The following PANK3 variants were observed in gnomAD, a reference collection of about 807,000 sequenced individuals.
PANK3 encodes the protein hPanK3.
In PANK3, 20 loss-of-function variants were observed where a neutral mutation model predicts 39.4. That is an observed-to-expected ratio of 0.51 (90% confidence interval 0.36 to 0.74). PANK3 has a LOEUF of 0.74. PANK3 is among the 30% of genes least tolerant of loss of function. The pLI is 0.00. For missense variants in PANK3, 265 were observed against 437.0 expected (o/e 0.61, Z 3.51); for synonymous variants, 140 against 157.3 (o/e 0.89, Z 0.82).
intron 1 of PANK3, among the ~76,000 whole-genome samples, chr5:168,575,146 T>G (rs1183985618): frequency 6.6e-6 from 1 of 152,154 alleles, no homozygotes; most frequent in Non-Finnish European, 1.5e-5. Context: ...ACTGTGAGAA[T>G]TATTAGAATC....
At chr5:168,565,924 A>G (rs770721297) in intron 3 of PANK3, 89 bp downstream of exon 3, 8 of 1,052,026 alleles carry the variant, frequency 7.6e-6, no homozygotes, top group Non-Finnish European at 9.1e-6. Flanking sequence ...ATGCTCTTTT[A>G]CTGGTGAAAA....
At chr5:168,560,127 A>C (rs959137048) in intron 5 of PANK3, among the ~76,000 whole-genome samples, 6 of 152,216 alleles carry the variant, frequency 3.9e-5, no homozygotes. Context: ...AAATTTAGAC[A>C]TAAAGGGCTA....
chr5:168,561,180 C>A lies in PANK3; in HGVS notation c.936+213G>T, dbSNP rs78909266. On this transcript the variant is annotated intron_variant, in intron 5 of 6. Transcript: ENST00000239231. ...CTGAAAAAAAATTCTGAATAAATTT[C>A]TCCTATTTCAATTTGAATTATCTGC... Among the ~76,000 whole-genome samples, 1,438 of 152,156 alleles carry A rather than the reference C, an allele frequency of 9.5e-3. 81 individuals carry two copies. In the East Asian group the frequency reaches 0.14, roughly 15 times the overall value.
intron 6 of PANK3, among the ~76,000 whole-genome samples, chr5:168,558,532 T>G (rs1007215171): frequency 6.6e-6 from 1 of 152,194 alleles, no homozygotes; most frequent in African/African-American, 2.4e-5. Context: ...ATACAGCCAT[T>G]TGACTTTGAT....
Position 168,563,949 on chromosome 5 carries a change from C to T in PANK3, c.752G>A (p.Arg251His), listed in dbSNP as rs1038906666. 6.2e-7 allele frequency: 1 copy of T among 1,612,678 alleles called. No homozygotes were observed. Among genetic ancestry groups the T allele is most frequent in the Non-Finnish European group, 8.5e-7 (1 of 1,179,354 alleles). Residue 251 changes from arginine (R) to histidine (H), a missense_variant, in exon 4 of 7, where the codon CGT (arginine) becomes CAT (histidine). This residue lies in a region of PANK3 where 110 missense variants were observed against 161.2 expected (regional missense o/e 0.68). Transcript: ENST00000239231. The stretch of plus-strand genomic sequence containing the variant: ...TTCATAATCTCCTCCATAAATATCA[C>T]GGACCAGCTTGTCAGCTTGTGTGCT... Reference protein sequence around the residue: ...GDSTQADKLVRDIYGGDYERF... With the variant: ...GDSTQADKLVHDIYGGDYERF...
Position 168,566,285 on chromosome 5 carries a change from A to T in PANK3, c.382-19T>A, listed in dbSNP as rs576621252. On this transcript the variant is annotated intron_variant, in intron 2 of 6. Coordinates refer to ENST00000239231, the MANE Select transcript of PANK3 (RefSeq NM_024594.4). Reference sequence around the variant, plus strand: ...TTCCAATCTGTTAAAACAAACAAACAAAAACAAAAAAGGATGACATTCAAA... The same window carrying T: ...TTCCAATCTGTTAAAACAAACAAACTAAAACAAAAAAGGATGACATTCAAA... 1 of 1,560,260 alleles carries T rather than the reference A, an allele frequency of 6.4e-7. No homozygotes were observed. The highest frequency in any genetic ancestry group is 1.7e-4 in the Middle Eastern group (1 of 5,832).
intron 1 of PANK3, among the ~76,000 whole-genome samples, chr5:168,570,295 G>T (rs902069003): frequency 1.3e-5 from 2 of 151,444 alleles, no homozygotes; most frequent in African/African-American, 4.9e-5. Context: ...TGAGGCAGGA[G>T]AATGGCGTGA....
At chr5:168,561,274 T>TG (rs1759443045) in intron 5 of PANK3, 119 bp downstream of exon 5, 1 of 801,564 alleles carries the variant, frequency 1.2e-6, no homozygotes, top group Non-Finnish European at 1.9e-6. Flanking sequence ...TGGCATTTAA[T>TG]GGGTTACATC....
rs1411461125 is a variant in PANK3 at position 168,553,055 on chromosome 5, C to A, written c.*4516G>T. ...GAGTCCCCTACAATTGCTGAAGGAT[C>A]TCATTAGTACTCTTCCTTTCTGTTA... On this transcript the variant is annotated 3_prime_UTR_variant, in exon 7 of 7. Coordinates refer to ENST00000239231, the MANE Select transcript of PANK3 (RefSeq NM_024594.4). 2 of 347,128 alleles carry A rather than the reference C, an allele frequency of 5.8e-6. No individual in the cohort carries two copies. The highest frequency in any genetic ancestry group is 1.1e-5 in the Non-Finnish European group (2 of 174,878). 21.5% of individuals were successfully genotyped at this position (347,128 alleles called of 1,614,324 possible). A position where few individuals can be genotyped will look rare whatever the true frequency, so the allele number is the denominator to read the frequency against.
intron 3 of PANK3, among the ~76,000 whole-genome samples, chr5:168,564,348 T>C (rs1257549678): frequency 1.3e-5 from 2 of 152,214 alleles, no homozygotes; most frequent in Non-Finnish European, 2.9e-5. Context: ...CCTTACACTC[T>C]GTAGTTACCA....
chr5:168,559,009 C>CA, intron 6 of PANK3, 23 bp downstream of exon 6: 2 of 1,592,880 alleles, frequency 1.3e-6, no homozygotes, highest in East Asian at 2.3e-5. Context: ...TTAAAATTCA[C>CA]AAAAAACATT....
intron 1 of PANK3, among the ~76,000 whole-genome samples, chr5:168,569,607 G>C (rs528063853): frequency 1.3e-5 from 2 of 152,116 alleles, no homozygotes; most frequent in African/African-American, 4.8e-5. Flanking sequence ...AATACCATGT[G>C]CTCCAGGGAT....
intron 1 of PANK3, among the ~76,000 whole-genome samples, chr5:168,569,808 T>C (rs1759597324): frequency 6.6e-6 from 1 of 152,106 alleles, no homozygotes; most frequent in Non-Finnish European, 1.5e-5. Flanking sequence ...CCCAATACTT[T>C]GGGAGGCTGA....
chr5:168,565,890 T>A (rs1420928900), intron 3 of PANK3, 123 bp downstream of exon 3: 77 of 288,690 alleles, frequency 2.7e-4, no homozygotes, highest in African/African-American at 1.4e-3. Flanking sequence ...TATATATTTT[T>A]TTTTTTTGCT....
At chr5:168,578,605 T>C (rs1300279352) in intron 1 of PANK3, 1 of 152,236 alleles carries the variant, frequency 6.6e-6, no homozygotes, top group African/African-American at 2.4e-5. Flanking sequence ...TTTAAGTACA[T>C]GCATAGAAAA....
intron 4 of PANK3, among the ~76,000 whole-genome samples, chr5:168,562,443 G>A (rs920964324): frequency 5.3e-5 from 8 of 152,098 alleles, no homozygotes; most frequent in African/African-American, 7.2e-5. Flanking sequence ...ATGTTTGGTC[G>A]GAGTGAAGCG....
chr5:168,564,302 GA>G (rs1476676441), intron 3 of PANK3, among the ~76,000 whole-genome samples: 1 of 152,110 alleles, frequency 6.6e-6, no homozygotes, highest in Non-Finnish European at 1.5e-5. Context: ...GGAAAGGAAA[GA>G]CCTATTAAAT....
chr5:168,558,200 G>A (rs796825704), intron 6 of PANK3, among the ~76,000 whole-genome samples: 29 of 148,674 alleles, frequency 2.0e-4, no homozygotes, highest in African/African-American at 6.8e-4. Flanking sequence ...ACCCAGGCTG[G>A]AGTGGCTGGA....
chr5:168,550,545 A>G lies in PANK3; in HGVS notation c.*7026T>C, dbSNP rs1759261173. 6.6e-6 allele frequency: 1 copy of G among 152,312 alleles called. No individual in the cohort carries two copies. Among genetic ancestry groups the G allele is most frequent in the South Asian group, 2.1e-4 (1 of 4,826 alleles). 9.4% of individuals were successfully genotyped at this position (152,312 alleles called of 1,614,324 possible). A position where few individuals can be genotyped will look rare whatever the true frequency, so the allele number is the denominator to read the frequency against. On this transcript the variant is annotated 3_prime_UTR_variant, in exon 7 of 7. Coordinates refer to ENST00000239231, the MANE Select transcript of PANK3 (RefSeq NM_024594.4). ...TTAATATACATATAAAACCTTTCAT[A>G]TTACTTTAAGGTATATCTACCTGGC...
Sources: allele counts gnomAD v4.1 joint callset (sites outside exome capture counted in the v4.1 genomes callset), GRCh38; gene constraint gnomAD v4.1.1; regional missense constraint gnomAD v4.1.1; transcripts MANE v1.5; gene names NCBI Gene and HGNC (gene_info 2026-07-23, HGNC 2026-07-21).